Variants in DNAH7 observed in about 807,000 individuals in gnomAD.
The protein encoded by DNAH7 is axonemal beta dynein heavy chain 7.
In DNAH7, 397 loss-of-function variants were observed where a neutral mutation model predicts 444.6. That is an observed-to-expected ratio of 0.89 (90% CI 0.82 to 0.97). DNAH7 has a LOEUF of 0.97. Ranked by LOEUF, DNAH7 falls within the 50% of genes least tolerant of loss-of-function variation. DNAH7 has a pLI of 0.00. For synonymous variants in DNAH7, 1,636 were observed against 1,624.4 expected (o/e 1.01, Z -0.17); for missense variants, 4,902 against 4,800.8 (o/e 1.02, Z -0.62).
chr2:195,958,839 C>T (rs1381732128), intron 18 of DNAH7, among the ~76,000 whole-genome samples: 1 of 152,138 alleles, frequency 6.6e-6, no homozygotes, highest in African/African-American at 2.4e-5. Flanking sequence ...GACTAAGGCA[C>T]ATAGAGGCAA....
chr2:195,808,171 T>C (rs998950667), intron 53 of DNAH7, among the ~76,000 whole-genome samples: 6 of 152,138 alleles, frequency 3.9e-5, no homozygotes, highest in Admixed American at 1.3e-4. Flanking sequence ...AAAGCAACAA[T>C]TGCTATATAT....
chr2:196,019,181 G>A lies in DNAH7; in HGVS notation c.858C>T (p.His286=). The A allele has an allele frequency of 6.7e-7, 1 of 1,482,088 alleles. No homozygotes were observed. The allele number at this position is 1,482,088 out of a possible 1,614,324, so 91.8% of individuals were successfully genotyped here. The change falls in exon 9 of 65, where the codon CAC becomes CAT. Residue 286 remains histidine, a synonymous_variant. Transcript: ENST00000312428. The part of the protein sequence containing the change: ...PTMLAVLDLW[H]TNFKKLRLVD... ...CCACATATACTCACTTAAAATTAGT[G>A]TGCCACAAATCTAGTACAGCCAGCA...
rs758478954 is a variant in DNAH7 at position 195,796,735 on chromosome 2, T to A, written c.10356A>T (p.Gly3452=). The A allele has an allele frequency of 6.2e-6, 10 of 1,613,496 alleles. No homozygotes were observed. The highest frequency in any genetic ancestry group is 8.5e-6 in the Non-Finnish European group (10 of 1,179,718). The change falls in exon 56 of 65, where the codon GGA becomes GGT. Residue 3452 remains glycine, a splice_region_variant and synonymous_variant. Coordinates refer to ENST00000312428, the MANE Select transcript of DNAH7 (RefSeq NM_018897.3). ...AALLKFADDQ[G]YGGSKLSSLS... is the part of the protein sequence containing the mutation. ...AAGAGCTAAGTTTTGATCCCCCATA[T>A]CCCTGTGTACAAGAATAGTAGAGAT...
chr2:195,959,958 G>A (rs1271992491), intron 18 of DNAH7, among the ~76,000 whole-genome samples: 3 of 152,164 alleles, frequency 2.0e-5, no homozygotes, highest in Non-Finnish European at 2.9e-5. Flanking sequence ...ACGAATATCT[G>A]GATGTTGATT....
chr2:196,051,148 A>T (rs1697440258), intron 3 of DNAH7, 39 bp downstream of exon 3: 1 of 1,560,892 alleles, frequency 6.4e-7, no homozygotes, highest in South Asian at 1.1e-5. Flanking sequence ...CATTTTTTGA[A>T]GCACAAAAAT....
Position 195,888,428 on chromosome 2 carries a change from T to C in DNAH7, c.5236A>G (p.Arg1746Gly), listed in dbSNP as rs1192831703. The change falls in exon 33 of 65, where the codon AGA becomes GGA. Residue 1746 changes from arginine (R) to glycine (G), a missense_variant. Coordinates refer to ENST00000312428, the MANE Select transcript of DNAH7 (RefSeq NM_018897.3). ...LEVASPATVS[R>G]CGMIYMEPHM... ...GGCTCCATGTAAATCATGCCACATCTGGAAACCTGGAAAGCCATAATTGGT... is the reference window on the plus strand; with the variant it reads ...GGCTCCATGTAAATCATGCCACATCCGGAAACCTGGAAAGCCATAATTGGT... 10 of 1,585,282 alleles carry C rather than the reference T, an allele frequency of 6.3e-6. No homozygotes were observed. The highest frequency in any genetic ancestry group is 8.5e-6 in the Non-Finnish European group (10 of 1,172,070).
chr2:196,029,739 T>C (rs1695921193), intron 5 of DNAH7, among the ~76,000 whole-genome samples: 1 of 146,926 alleles, frequency 6.8e-6, no homozygotes, highest in Non-Finnish European at 1.5e-5. Flanking sequence ...CTTCCATATG[T>C]GCTTCCAAAC....
At chr2:195,933,112 A>G (rs1431734049) in intron 21 of DNAH7, among the ~76,000 whole-genome samples, 2 of 152,176 alleles carry the variant, frequency 1.3e-5, no homozygotes, top group Non-Finnish European at 2.9e-5. Flanking sequence ...TTATTGGTCT[A>G]TTCAGAGATT....
chr2:195,947,104 TAATA>T (rs1452234083), intron 19 of DNAH7, among the ~76,000 whole-genome samples: 3 of 147,914 alleles, frequency 2.0e-5, no homozygotes, highest in Admixed American at 6.8e-5. Flanking sequence ...TATATAATTA[TAATA>T]TATATAATTA....
chr2:196,002,867 G>T (rs1053542496), intron 10 of DNAH7, among the ~76,000 whole-genome samples: 2 of 152,008 alleles, frequency 1.3e-5, no homozygotes, highest in Non-Finnish European at 2.9e-5. Context: ...AATTAGCTGG[G>T]TGTGGTGGTG....
At chr2:195,984,554 G>T in intron 15 of DNAH7, 78 bp downstream of exon 15, 1 of 1,367,162 alleles carries the variant, frequency 7.3e-7, no homozygotes, top group Non-Finnish European at 1.0e-6. Flanking sequence ...TTAACTTTTC[G>T]AGTGATTTGT....
intron 60 of DNAH7, among the ~76,000 whole-genome samples, chr2:195,772,995 G>T (rs909803892): frequency 3.3e-5 from 5 of 151,978 alleles, no homozygotes; most frequent in African/African-American, 1.2e-4. Flanking sequence ...TGGCCAGGCT[G>T]GTCTCAAACT....
chr2:196,024,540 TA>T (rs1190803535), intron 7 of DNAH7, 36 bp from the exon 8 acceptor site: 1 of 1,268,904 alleles, frequency 7.9e-7, no homozygotes, highest in Non-Finnish European at 1.1e-6. Context: ...TAAATAACCT[TA>T]TATTAACTGT....
chr2:195,911,867 A>C (rs1251782473), intron 24 of DNAH7, among the ~76,000 whole-genome samples: 3 of 152,260 alleles, frequency 2.0e-5, no homozygotes, highest in Non-Finnish European at 4.4e-5. Context: ...AAGGGGAAGA[A>C]AATTAAACCA....
In DNAH7 at chr2:195,906,944, G is replaced by C; in HGVS notation, c.4170C>G (p.Leu1390=). Residue 1390 remains leucine, a synonymous_variant, in exon 26 of 65, where the codon CTC becomes CTG. Transcript: ENST00000312428. The part of the protein sequence containing the change: ...DEFNRIDLEV[L]SVVAQQILTI... ...TAAGGATTTGTTGAGCAACCACAGAGAGTACTTCCAAATCAATTCTGTTAA... is the reference window on the plus strand; with the variant it reads ...TAAGGATTTGTTGAGCAACCACAGACAGTACTTCCAAATCAATTCTGTTAA... 1 of 1,613,166 alleles carries C rather than the reference G, an allele frequency of 6.2e-7. No homozygotes were observed.
chr2:196,026,963 A>G, intron 6 of DNAH7, 23 bp from the exon 7 acceptor site: 1 of 1,531,502 alleles, frequency 6.5e-7, no homozygotes, highest in Non-Finnish European at 8.9e-7. Context: ...GATAGGAAAA[A>G]TGTAGATGTT....
In DNAH7 at chr2:195,807,947, T is replaced by G. The variant is rs965211418; in HGVS notation, c.10083+735A>C. Among the ~76,000 whole-genome samples, 4 of 152,172 alleles carry G rather than the reference T, an allele frequency of 2.6e-5. No homozygotes were observed. In the East Asian group the frequency reaches 7.7e-4, roughly 29 times the overall value. On this transcript the variant is annotated intron_variant, in intron 53 of 64. Coordinates refer to ENST00000312428, the MANE Select transcript of DNAH7 (RefSeq NM_018897.3). ...CATTCTCACATATAATACAACAATA[T>G]AGGTTGTATAGGTAACAAAATAAAG...
At chr2:195,936,103 G>T (rs1420995578) in intron 20 of DNAH7, among the ~76,000 whole-genome samples, 1 of 152,188 alleles carries the variant, frequency 6.6e-6, no homozygotes, top group African/African-American at 2.4e-5. Context: ...GCCAGGCACG[G>T]TGGCTCACGC....
chr2:195,740,177 G>GTT (rs2105871373), intron 64 of DNAH7, among the ~76,000 whole-genome samples: 1 of 152,198 alleles, frequency 6.6e-6, no homozygotes, highest in Admixed American at 6.5e-5. Context: ...AGAGACTGGG[G>GTT]TTTCTCCATG....
Sources: gnomAD v4.1 joint callset for allele counts (sites outside exome capture counted in the v4.1 genomes callset) on GRCh38, gnomAD v4.1.1 for gene constraint, MANE v1.5 for transcripts, NCBI Gene and HGNC (gene_info 2026-07-23, HGNC 2026-07-21) for gene names.